The following PAX7 variants were observed in gnomAD, a reference collection of about 807,000 sequenced individuals.
PAX7 encodes paired box 7.
Under a neutral mutation model 50.7 loss-of-function variants are expected in PAX7, and 18 were observed. The ratio of observed to expected loss-of-function variants is 0.36; its 90% CI spans 0.25 to 0.53. PAX7 has a LOEUF of 0.53. PAX7 is among the 20% of genes least tolerant of loss of function. PAX7 has a pLI of 0.93. For synonymous variants in PAX7, 310 were observed against 290.4 expected (o/e 1.07, Z -0.69); for missense variants, 644 against 702.9 (o/e 0.92, Z 0.95).
At position 18,739,438 on chromosome 1, in the gene PAX7, G is replaced by A. The variant is rs950746871; in HGVS notation, c.1402+3560G>A. On this transcript the variant is annotated intron_variant, in intron 8 of 8. Transcript: ENST00000420770. Reference sequence around the variant, plus strand: ...TTTAAGATATAAATATACAAAATGTGCATGTGTAAAGGAAGGAGGAACGAC... The same window carrying A: ...TTTAAGATATAAATATACAAAATGTACATGTGTAAAGGAAGGAGGAACGAC... Among the ~76,000 whole-genome samples the A allele has an allele frequency of 2.0e-5, 3 of 152,226 alleles. No individual in the cohort carries two copies. In the South Asian group the frequency reaches 6.2e-4, roughly 31 times the overall value.
intron 4 of PAX7, among the ~76,000 whole-genome samples, chr1:18,637,739 C>T (rs2088184294): frequency 6.6e-6 from 1 of 152,274 alleles, no homozygotes; most frequent in Non-Finnish European, 1.5e-5. Context: ...GGCCGGGCAG[C>T]CCCGTGTGAC....
intron 7 of PAX7, among the ~76,000 whole-genome samples, chr1:18,710,884 T>C (rs1042331339): frequency 3.9e-5 from 6 of 152,170 alleles, no homozygotes; most frequent in Non-Finnish European, 8.8e-5. Context: ...CTCTCGCACA[T>C]TTTCCGAGGT....
rs999498075 is a variant in PAX7, at chr1:18,703,134, G to C, written c.993G>C (p.Pro331=). The C allele has an allele frequency of 1.9e-6, 3 of 1,613,976 alleles. No homozygotes were observed. Among genetic ancestry groups the C allele is most frequent in the Non-Finnish European group, 2.5e-6 (3 of 1,179,950 alleles). The change falls in exon 7 of 9, where the codon CCG becomes CCC. Residue 331 remains proline (P), a synonymous_variant. Transcript: ENST00000420770. ...STVHRPQPLP[P]STMHQGGLAA... ...TGCACCGGCCTCAGCCCCTGCCACC[G>C]TCCACCATGCACCAGGGCGGGCTGG...
At chr1:18,701,914 T>C (rs526265) in intron 6 of PAX7, among the ~76,000 whole-genome samples, 150,642 of 152,238 alleles carry the variant, frequency 0.99, 74,536 homozygotes, top group East Asian at 1. Context: ...AGTCTGGGTC[T>C]CAGGAGAGAA....
rs2089577311 is a variant in PAX7 at position 18,726,775 on chromosome 1, T to C, written c.1156-8857T>C. ...CAGTTTCACAAATTATCCCCTCTGC[T>C]TTCCTCTTCACTCAGACAGAGCCGG... On this transcript the variant is annotated intron_variant, in intron 7 of 8. Transcript: ENST00000420770. This position sits in a 1 kb window ranked among gnomAD's most constrained non-coding sequence, Gnocchi z 4.8. Among the ~76,000 whole-genome samples, 1 of 152,210 alleles carries C rather than the reference T, an allele frequency of 6.6e-6. No individual in the cohort carries two copies. The highest frequency in any genetic ancestry group is 1.5e-5 in the Non-Finnish European group (1 of 68,040).
chr1:18,635,804 T>TTGTGTGTG, intron 3 of PAX7, among the ~76,000 whole-genome samples: 1 of 150,414 alleles, frequency 6.6e-6, no homozygotes, highest in South Asian at 2.1e-4. Flanking sequence ...AAGTGATCTG[T>TTGTGTGTG]TGTGTGTGTG....
chr1:18,727,117 T>C (rs2089581898), intron 7 of PAX7, among the ~76,000 whole-genome samples: 1 of 151,920 alleles, frequency 6.6e-6, no homozygotes, highest in South Asian at 2.1e-4. Context: ...AATTCACACA[T>C]ATACACACAA....
rs377003999 is a variant in PAX7 at position 18,678,934 on chromosome 1, C to T, written c.587-12820C>T. ...AGGGCTCTGGGACTGGCTGCCTGGCCGTCACGGTCACTCTGCCATTGAGTT... is the reference window on the plus strand; with the variant it reads ...AGGGCTCTGGGACTGGCTGCCTGGCTGTCACGGTCACTCTGCCATTGAGTT... On this transcript the variant is annotated intron_variant, in intron 4 of 8. Transcript: ENST00000420770. 8.6e-4 allele frequency among the ~76,000 whole-genome samples: 131 copies of T among 152,294 alleles called. 5 individuals are homozygous for T. The South Asian group carries it at 0.026, about 30-fold the overall frequency.
In PAX7 at chr1:18,636,762, G is replaced by C. The variant is rs957005348; in HGVS notation, c.586+391G>C. ...ATAGGAAACTTGGGCAAGGGGGCGGGGGACGGGAGGGAGGGAGAGAGGAAG... is the reference window on the plus strand; with the variant it reads ...ATAGGAAACTTGGGCAAGGGGGCGGCGGACGGGAGGGAGGGAGAGAGGAAG... On this transcript the variant is annotated intron_variant, in intron 4 of 8. Transcript: ENST00000420770. This position sits in a 1 kb window ranked among gnomAD's most constrained non-coding sequence, Gnocchi z 5.1. Among the ~76,000 whole-genome samples, 1 of 152,080 alleles carries C rather than the reference G, an allele frequency of 6.6e-6. No homozygotes were observed. The highest frequency in any genetic ancestry group is 1.5e-5 in the Non-Finnish European group (1 of 68,002).
intron 7 of PAX7, among the ~76,000 whole-genome samples, chr1:18,706,267 T>C (rs2100334519): frequency 6.6e-6 from 1 of 152,140 alleles, no homozygotes; most frequent in East Asian, 1.9e-4. Flanking sequence ...GCCTCCTGCA[T>C]CCTCTCTTCC....
Position 18,632,839 on chromosome 1 carries a change from A to C in PAX7, c.85+1151A>C, listed in dbSNP as rs562032622. Among the ~76,000 whole-genome samples, 773 of 152,276 alleles carry C rather than the reference A, an allele frequency of 5.1e-3. No homozygotes were observed. Among genetic ancestry groups the C allele is most frequent in the South Asian group, 9.1e-3 (44 of 4,818 alleles). ...GCTCCGTGATCAAGTGCGCGCCGGC[A>C]GCCACGCAGGCGGGAGAGCGCGCAA... On this transcript the variant is annotated intron_variant, in intron 1 of 8. Coordinates refer to ENST00000420770, the MANE Select transcript of PAX7 (RefSeq NM_001135254.2). This position sits in a 1 kb window ranked among gnomAD's most constrained non-coding sequence, Gnocchi z 6.3.
chr1:18,648,543 A>T (rs6603907), intron 4 of PAX7, among the ~76,000 whole-genome samples: 73,372 of 151,608 alleles, frequency 0.48, 18,224 homozygotes, highest in Middle Eastern at 0.6. Context: ...GGATTTTGCC[A>T]CGTTGCCTGG....
intron 4 of PAX7, among the ~76,000 whole-genome samples, chr1:18,678,809 C>T (rs753160077): frequency 3.9e-5 from 6 of 152,062 alleles, no homozygotes; most frequent in African/African-American, 1.4e-4. Flanking sequence ...GGGCACAAGT[C>T]GGTATGGAGG....
intron 8 of PAX7, among the ~76,000 whole-genome samples, chr1:18,740,730 G>A (rs1437973857): frequency 6.6e-6 from 1 of 152,180 alleles, no homozygotes; most frequent in Non-Finnish European, 1.5e-5. Context: ...CAATAGCCAA[G>A]ACGTAGAATC....
rs552218701 is a variant in PAX7, at chr1:18,735,288, A to G, written c.1156-344A>G. 3.3e-5 allele frequency among the ~76,000 whole-genome samples: 5 copies of G among 152,210 alleles called. No individual in the cohort carries two copies. The highest frequency in any genetic ancestry group is 6.5e-5 in the Admixed American group (1 of 15,288). The stretch of plus-strand genomic sequence containing the variant: ...AGAGGCCTCATTAGCCAGTTCGTTC[A>G]TTCATGCATTCATTCATGCATTTAT... On this transcript the variant is annotated intron_variant, in intron 7 of 8. Coordinates refer to ENST00000420770, the MANE Select transcript of PAX7 (RefSeq NM_001135254.2). This position sits in a 1 kb window ranked among gnomAD's most constrained non-coding sequence, Gnocchi z 4.0.
At chr1:18,717,571 C>T (rs865868422) in intron 7 of PAX7, among the ~76,000 whole-genome samples, 7 of 152,194 alleles carry the variant, frequency 4.6e-5, no homozygotes, top group Non-Finnish European at 1.0e-4. Context: ...GGCCAGGCCC[C>T]CTCCCATGCC....
chr1:18,737,396 T>A (rs1046957488), intron 8 of PAX7, among the ~76,000 whole-genome samples: 1 of 146,714 alleles, frequency 6.8e-6, no homozygotes, highest in Non-Finnish European at 1.5e-5. Context: ...CACTGCCAAA[T>A]GAGGGCCAGC....
intron 7 of PAX7, among the ~76,000 whole-genome samples, chr1:18,706,945 G>C (rs1171470154): frequency 1.3e-5 from 2 of 152,112 alleles, no homozygotes; most frequent in African/African-American, 4.8e-5. Context: ...CTTGACCCAA[G>C]TCCCTTGTCT....
intron 6 of PAX7, among the ~76,000 whole-genome samples, chr1:18,702,771 CAG>C (rs2089238151): frequency 6.6e-6 from 1 of 152,178 alleles, no homozygotes; most frequent in South Asian, 2.1e-4. Context: ...GGTAGATTAA[CAG>C]AGTCCCCATC....
Sources: allele counts gnomAD v4.1 joint callset (sites outside exome capture counted in the v4.1 genomes callset), GRCh38; gene constraint gnomAD v4.1.1; non-coding constraint Gnocchi (gnomAD v3.1); transcripts MANE v1.5; gene names NCBI Gene and HGNC (gene_info 2026-07-23, HGNC 2026-07-21).